Variants in ZFHX3 observed in about 807,000 individuals in gnomAD.
ZFHX3 encodes the protein zinc finger homeobox 3, also known as zinc finger homeobox protein 3.
A neutral mutation model predicts 279.1 loss-of-function variants in ZFHX3; 42 were observed. The ratio of observed to expected loss-of-function variants is 0.15; its 90% CI spans 0.12 to 0.19. ZFHX3 has a LOEUF of 0.19. Ranked by LOEUF, ZFHX3 falls within the 10% of genes least tolerant of loss-of-function variation. The probability of loss-of-function intolerance (pLI) is 1.00; values close to 1 mark genes in which losing one functional copy is unlikely to be tolerated. For missense variants in ZFHX3, 4,981 were observed against 4,754.0 expected (o/e 1.05, Z -1.40); for synonymous variants, 2,293 against 1,957.8 (o/e 1.17, Z -4.52).
intron 1 of ZFHX3, among the ~76,000 whole-genome samples, chr16:72,991,124 G>A (rs1291580852): frequency 6.6e-6 from 1 of 151,952 alleles, no homozygotes; most frequent in Non-Finnish European, 1.5e-5. Context: ...CATGACCTCA[G>A]TTACCCACAT....
At chr16:73,285,633 T>C (rs1033219900) in intron 4 of ZFHX3, among the ~76,000 whole-genome samples, 4 of 152,206 alleles carry the variant, frequency 2.6e-5, no homozygotes, top group Non-Finnish European at 5.9e-5. Context: ...TTTTGACATA[T>C]GAAGCCTCGG....
intron 3 of ZFHX3, among the ~76,000 whole-genome samples, chr16:72,908,048 C>T (rs569365120): frequency 5.9e-5 from 9 of 152,238 alleles, no homozygotes; most frequent in Admixed American, 2.0e-4. Context: ...CTGTCTGCAG[C>T]GATCCTTTCT....
At chr16:73,142,612 C>T (rs1245298674) in intron 6 of ZFHX3, among the ~76,000 whole-genome samples, 3 of 152,158 alleles carry the variant, frequency 2.0e-5, no homozygotes, top group Non-Finnish European at 4.4e-5. Flanking sequence ...AAACCAGATG[C>T]GTTAATGAGT....
chr16:73,433,521 A>G (rs1019682999), intron 3 of ZFHX3, among the ~76,000 whole-genome samples: 1 of 152,140 alleles, frequency 6.6e-6, no homozygotes, highest in African/African-American at 2.4e-5. Context: ...TTTCAAATCC[A>G]CTTGATAAGG....
chr16:72,839,045 G>C (rs930084735), intron 4 of ZFHX3, among the ~76,000 whole-genome samples: 4 of 152,170 alleles, frequency 2.6e-5, no homozygotes, highest in Non-Finnish European at 4.4e-5. Flanking sequence ...GCAGGGATTA[G>C]TTCCCTTGGA....
chr16:73,618,145 T>C (rs1202301382), intron 2 of ZFHX3, among the ~76,000 whole-genome samples: 1 of 152,226 alleles, frequency 6.6e-6, no homozygotes, highest in Non-Finnish European at 1.5e-5. Flanking sequence ...GTCCAGCCGA[T>C]AATGATCATT....
At chr16:73,015,686 A>T (rs780601517) in intron 1 of ZFHX3, 2 of 152,270 alleles carry the variant, frequency 1.3e-5, no homozygotes, top group Non-Finnish European at 2.9e-5. Flanking sequence ...CAGCCTGAAG[A>T]ACTGGAAAGC....
At chr16:73,041,761 A>C (rs1350703303) in intron 1 of ZFHX3, among the ~76,000 whole-genome samples, 1 of 152,126 alleles carries the variant, frequency 6.6e-6, no homozygotes, top group Non-Finnish European at 1.5e-5. Flanking sequence ...ATACTCCACA[A>C]AAAAAAGCGG....
intron 1 of ZFHX3, among the ~76,000 whole-genome samples, chr16:73,707,844 T>G (rs893096629): frequency 6.6e-6 from 1 of 151,858 alleles, no homozygotes; most frequent in Non-Finnish European, 1.5e-5. Flanking sequence ...AATAGCAGAT[T>G]CAGAAGAAGG....
At chr16:73,308,273 ATATATTTATT>A (rs2015239708) in intron 4 of ZFHX3, among the ~76,000 whole-genome samples, 4 of 27,592 alleles carry the variant, frequency 1.4e-4, no homozygotes, top group African/African-American at 2.4e-4. Flanking sequence ...ATATATATAT[ATATATTTATT>A]TATTTATTTT....
chr16:72,813,887 G>C (rs1048363202), intron 5 of ZFHX3, among the ~76,000 whole-genome samples: 5 of 152,176 alleles, frequency 3.3e-5, no homozygotes, highest in African/African-American at 1.2e-4. Flanking sequence ...TTGCAGGTTT[G>C]AGACCTTGCA....
intron 2 of ZFHX3, among the ~76,000 whole-genome samples, chr16:73,596,547 G>T (rs2052052781): frequency 6.6e-6 from 1 of 151,990 alleles, no homozygotes; most frequent in Non-Finnish European, 1.5e-5. Context: ...GATGGCCCTA[G>T]CTTATGAACC....
At chr16:73,111,586 G>A (rs2144799044) in intron 7 of ZFHX3, among the ~76,000 whole-genome samples, 1 of 145,432 alleles carries the variant, frequency 6.9e-6, no homozygotes, top group African/African-American at 2.5e-5. Context: ...CTCTGTGAGG[G>A]AGGGAGGGAG....
At chr16:73,186,224 T>C (rs1453227044) in intron 5 of ZFHX3, among the ~76,000 whole-genome samples, 1 of 152,134 alleles carries the variant, frequency 6.6e-6, no homozygotes, top group Non-Finnish European at 1.5e-5. Context: ...GGAACATGCT[T>C]GAATCACCCC....
intron 2 of ZFHX3, among the ~76,000 whole-genome samples, chr16:73,552,203 A>T (rs1275239572): frequency 6.6e-6 from 1 of 152,188 alleles, no homozygotes; most frequent in African/African-American, 2.4e-5. Flanking sequence ...ACGAGATACC[A>T]GAGGGAAATT....
chr16:73,064,883 G>A (rs546710238), intron 8 of ZFHX3, among the ~76,000 whole-genome samples: 1 of 152,358 alleles, frequency 6.6e-6, no homozygotes, highest in South Asian at 2.1e-4. Context: ...CCGCTGGCTA[G>A]CGCCTGACTT....
intron 5 of ZFHX3, among the ~76,000 whole-genome samples, chr16:73,247,286 T>A (rs111209779): frequency 0.017 from 2,547 of 152,186 alleles, 67 homozygotes; most frequent in African/African-American, 0.051. Flanking sequence ...ATAAAATGTG[T>A]CTGTGTGTCT....
At chr16:73,393,431 C>T (rs1372654208) in intron 3 of ZFHX3, among the ~76,000 whole-genome samples, 3 of 152,198 alleles carry the variant, frequency 2.0e-5, no homozygotes, top group African/African-American at 7.2e-5. Context: ...ACAAATGTTA[C>T]ATTCAGTACT....
intron 2 of ZFHX3, among the ~76,000 whole-genome samples, chr16:73,656,848 T>C (rs2052726376): frequency 1.3e-5 from 2 of 152,206 alleles, no homozygotes; most frequent in Non-Finnish European, 2.9e-5. Flanking sequence ...ATGATTTATA[T>C]CAAAATGTTA....
Sources: allele counts gnomAD v4.1 joint callset (sites outside exome capture counted in the v4.1 genomes callset), GRCh38; gene constraint gnomAD v4.1.1; transcripts MANE v1.5; gene names NCBI Gene and HGNC (gene_info 2026-07-23, HGNC 2026-07-21).